PCA3: variants seen among roughly 807,000 people sequenced by gnomAD.
The protein encoded by PCA3 is Differential Display code 3.
intron 2 of PCA3, chr9:76,785,904 T>C (rs1186967806): frequency 6.6e-6 from 1 of 152,182 alleles, no homozygotes; most frequent in Non-Finnish European, 1.5e-5. Flanking sequence ...TAATGTCATC[T>C]GTTAACATAA....
intron 2 of PCA3, among the ~76,000 whole-genome samples, chr9:76,765,488 TAG>T (rs1000035301): frequency 1.1e-4 from 16 of 152,212 alleles, no homozygotes; most frequent in Non-Finnish European, 1.6e-4. Flanking sequence ...GCATACAGAA[TAG>T]AGACAGGCAC....
intron 2 of PCA3, among the ~76,000 whole-genome samples, chr9:76,771,588 T>C (rs777597625): frequency 3.3e-5 from 5 of 152,160 alleles, no homozygotes; most frequent in South Asian, 2.1e-4. Flanking sequence ...ATCAAGGTGT[T>C]TGGGTAACAC....
intron 2 of PCA3, chr9:76,782,953 T>A (rs1413784329): frequency 2.6e-5 from 4 of 152,246 alleles, no homozygotes; most frequent in Admixed American, 6.5e-5. Flanking sequence ...GATTGGTGTC[T>A]ATGAATTAGA....
At chr9:76,786,089 G>A (rs1018519852) in intron 2 of PCA3, 7 of 152,084 alleles carry the variant, frequency 4.6e-5, no homozygotes, top group African/African-American at 7.2e-5. Flanking sequence ...TGCATCAGGC[G>A]GTTTGAGAAA....
At chr9:76,771,699 A>T (rs1269019416) in intron 2 of PCA3, among the ~76,000 whole-genome samples, 1 of 152,216 alleles carries the variant, frequency 6.6e-6, no homozygotes, top group African/African-American at 2.4e-5. Context: ...AGAAAACAGG[A>T]AAAACCAAAC....
intron 2 of PCA3, among the ~76,000 whole-genome samples, chr9:76,770,863 T>C (rs1295674740): frequency 1.3e-5 from 2 of 152,192 alleles, no homozygotes; most frequent in African/African-American, 4.8e-5. Flanking sequence ...ACTTTGATAA[T>C]ATCTCAACTA....
At chr9:76,784,536 GT>G (rs1262329113) in intron 2 of PCA3, 1 of 152,134 alleles carries the variant, frequency 6.6e-6, no homozygotes, top group Non-Finnish European at 1.5e-5. Context: ...GATCTCTACG[GT>G]TCCTTCTGGG....
chr9:76,774,454 T>TTTTATTTATTTATTTATTTA lies in PCA3; in HGVS notation n.853-34126_853-34125insATTTATTTATTTATTTATTT, dbSNP rs1284882050. On this transcript the variant is annotated intron_variant and non_coding_transcript_variant, in intron 2 of 5. Transcript: ENST00000644657. ...TTCCTGGCCTCCAGTTCAACCCTTTTTTTTTTTTTTTTTTTTTTTTTTTGA... is the reference window on the plus strand; with the variant it reads ...TTCCTGGCCTCCAGTTCAACCCTTTTTTTATTTATTTATTTATTTATTTTTTTTTTTTTTTTTTTTTTTGA... Among the ~76,000 whole-genome samples the TTTTATTTATTTATTTATTTA allele has an allele frequency of 1.9e-3, 105 of 54,518 alleles. 1 individual carries two copies. Among genetic ancestry groups the TTTTATTTATTTATTTATTTA allele is most frequent in the African/African-American group, 0.011 (61 of 5,606 alleles). 35.8% of individuals were successfully genotyped at this position (54,518 alleles called of 152,430 possible).
chr9:76,786,183 C>A lies in PCA3; in HGVS notation n.853-22400C>A, dbSNP rs377296186. 2.0e-5 allele frequency: 3 copies of A among 152,242 alleles called. No homozygotes were observed. The South Asian group carries it at 6.2e-4, about 32-fold the overall frequency. 9.4% of individuals were successfully genotyped at this position (152,242 alleles called of 1,614,324 possible). A position where few individuals can be genotyped will look rare whatever the true frequency, so the allele number is the denominator to read the frequency against. Reference sequence around the variant, plus strand: ...CCAGGTTTGGAGAGGATTCAGACAGCTCAGGTGCTTTCACTAATGTCTCTG... The same window carrying A: ...CCAGGTTTGGAGAGGATTCAGACAGATCAGGTGCTTTCACTAATGTCTCTG... On this transcript the variant is annotated intron_variant and non_coding_transcript_variant, in intron 2 of 5. Coordinates refer to ENST00000644657, the Ensembl canonical transcript of PCA3.
intron 2 of PCA3, among the ~76,000 whole-genome samples, chr9:76,783,203 T>C (rs1213290026): frequency 6.6e-6 from 1 of 152,196 alleles, no homozygotes; most frequent in Non-Finnish European, 1.5e-5. Flanking sequence ...ATGGCACAAT[T>C]ACAGCTCACT....
chr9:76,769,047 C>T (rs2052782775), intron 2 of PCA3, among the ~76,000 whole-genome samples: 1 of 152,138 alleles, frequency 6.6e-6, no homozygotes, highest in Non-Finnish European at 1.5e-5. Context: ...TAGAATCTTT[C>T]ATTATGGTAC....
chr9:76,787,515 C>A (rs1316022904), intron 2 of PCA3: 1 of 152,052 alleles, frequency 6.6e-6, no homozygotes, highest in Non-Finnish European at 1.5e-5. Flanking sequence ...TGTAACAAAC[C>A]TACACATTCT....
At chr9:76,778,061 T>C (rs551904757) in intron 2 of PCA3, among the ~76,000 whole-genome samples, 2 of 152,354 alleles carry the variant, frequency 1.3e-5, no homozygotes, top group South Asian at 4.1e-4. Flanking sequence ...TTCCCAACCT[T>C]GGCTGCACAT....
intron 2 of PCA3, among the ~76,000 whole-genome samples, chr9:76,769,198 T>G (rs1303442518): frequency 6.6e-6 from 1 of 152,266 alleles, no homozygotes; most frequent in Non-Finnish European, 1.5e-5. Flanking sequence ...TCTCTTCAGA[T>G]CGTATAAATC....
rs1554761633 is a variant in PCA3 at position 76,774,456 on chromosome 9, T to TTATTTATTTATTTATTTTTTTA, written n.853-34126_853-34125insATTTATTTATTTATTTTTTTAT. Among the ~76,000 whole-genome samples the TTATTTATTTATTTATTTTTTTA allele has an allele frequency of 1.5e-5, 2 of 133,812 alleles. 1 individual carries two copies. The highest frequency in any genetic ancestry group is 3.3e-5 in the Non-Finnish European group (2 of 60,556). 87.8% of individuals were successfully genotyped at this position (133,812 alleles called of 152,430 possible). On this transcript the variant is annotated intron_variant and non_coding_transcript_variant, in intron 2 of 5. Transcript: ENST00000644657. Reference sequence around the variant, plus strand: ...CCTGGCCTCCAGTTCAACCCTTTTTTTTTTTTTTTTTTTTTTTTTTTGAGA... The same window carrying TTATTTATTTATTTATTTTTTTA: ...CCTGGCCTCCAGTTCAACCCTTTTTTTATTTATTTATTTATTTTTTTATTTTTTTTTTTTTTTTTTTTTGAGA...
chr9:76,783,468 G>A lies in PCA3; in HGVS notation n.853-25115G>A, dbSNP rs544358397. Among the ~76,000 whole-genome samples the A allele has an allele frequency of 2.6e-5, 4 of 152,268 alleles. No homozygotes were observed. The East Asian group carries it at 7.7e-4, about 29-fold the overall frequency. On this transcript the variant is annotated intron_variant and non_coding_transcript_variant, in intron 2 of 5. Coordinates refer to ENST00000644657, the Ensembl canonical transcript of PCA3. ...TATGACCTGTGGGATCTCTAGAGGG[G>A]ACCTCAAGAGAATGGTGTGTGTCAG...
intron 2 of PCA3, among the ~76,000 whole-genome samples, chr9:76,773,172 TTTG>T (rs1358879327): frequency 6.6e-6 from 1 of 152,202 alleles, no homozygotes; most frequent in Admixed American, 6.5e-5. Context: ...AAAGCGGTCT[TTTG>T]TTGTTGTTGG....
chr9:76,770,548 T>C (rs2130927373), intron 2 of PCA3, among the ~76,000 whole-genome samples: 1 of 152,320 alleles, frequency 6.6e-6, no homozygotes, highest in East Asian at 1.9e-4. Flanking sequence ...ATGAAATATC[T>C]GGTGAAATAT....
chr9:76,770,389 T>C (rs1278858453), intron 2 of PCA3, among the ~76,000 whole-genome samples: 1 of 152,182 alleles, frequency 6.6e-6, no homozygotes, highest in Non-Finnish European at 1.5e-5. Context: ...AAGTTTCTTT[T>C]TGAAAACACA....
Sources: allele counts gnomAD v4.1 joint callset (sites outside exome capture counted in the v4.1 genomes callset), GRCh38; gene constraint gnomAD v4.1.1; transcripts MANE v1.5; gene names NCBI Gene and HGNC (gene_info 2026-07-23, HGNC 2026-07-21).